PGAP6: variants seen among roughly 807,000 people sequenced by gnomAD.
PGAP6 encodes the protein post-GPI attachment to proteins factor 6.
A neutral mutation model predicts 68.4 loss-of-function variants in PGAP6; 62 were observed. The ratio of observed to expected loss-of-function variants is 0.91; its 90% confidence interval spans 0.74 to 1.12. The LOEUF (loss-of-function observed/expected upper bound fraction) is 1.12. Among genes scored for constraint, PGAP6 ranks in the 50% most tolerant of loss-of-function variants. The pLI is 0.00. For synonymous variants in PGAP6, 575 were observed against 474.0 expected, an observed-to-expected ratio of 1.21 and a Z score of -2.77; for missense variants, 1,188 against 1,068.5, an observed-to-expected ratio of 1.11 and a Z score of -1.56.
Position 377,533 on chromosome 16 carries a change from G to C in PGAP6, c.352C>G (p.Pro118Ala). 1 of 1,592,272 alleles carries C rather than the reference G, an allele frequency of 6.3e-7. No homozygotes were observed. Among genetic ancestry groups the C allele is most frequent in the Non-Finnish European group, 8.5e-7 (1 of 1,170,014 alleles). The change falls in exon 3 of 13, where the codon CCG becomes GCG. Residue 118 changes from proline (P) to alanine (A), a missense_variant. By Grantham distance (27) the Pro-to-Ala change is conservative. Transcript: ENST00000431232. Reference protein sequence around the residue: ...PVINPLGTSFPDDTAVQPSFQ... With the variant: ...PVINPLGTSFADDTAVQPSFQ... Reference sequence around the variant, plus strand: ...GAGGGCTGTACCGCGGTGTCGTCCGGGAAGCTGGTGCCCAGCGGGTTGATG... The same window carrying C: ...GAGGGCTGTACCGCGGTGTCGTCCGCGAAGCTGGTGCCCAGCGGGTTGATG...
Position 374,316 on chromosome 16 carries a change from T to C in PGAP6, c.1660A>G (p.Ser554Gly). The C allele has an allele frequency of 1.2e-6, 2 of 1,605,572 alleles. No individual in the cohort carries two copies. Among genetic ancestry groups the C allele is most frequent in the Admixed American group, 1.7e-5 (1 of 60,000 alleles). The change falls in exon 10 of 13, where the codon AGC becomes GGC. Residue 554 changes from serine to glycine, a missense_variant. Coordinates refer to ENST00000431232, the MANE Select transcript of PGAP6 (RefSeq NM_021259.3). ...ATGGGGGCCAGGAACATGAGGTTGC[T>C]GAGCGTGAGCAGCAGTGTGGCCGCC... ...QRAATLLLTL[S>G]NLMFLAPIAV...
upstream of PGAP6, among the ~76,000 whole-genome samples, chr16:384,761 C>G (rs952940066): frequency 5.3e-5 from 8 of 151,314 alleles, no homozygotes; most frequent in Non-Finnish European, 7.4e-5. Flanking sequence ...GAGGCTGAGG[C>G]AGGAGAATGG....
upstream of PGAP6, chr16:386,727 A>AAAAC (rs2054487491): frequency 1.7e-4 from 7 of 40,338 alleles, no homozygotes; most frequent in South Asian, 1.0e-3. Flanking sequence ...AAAAAAAACC[A>AAAAC]AAAAAAAAAA....
chr16:376,307 G>T lies in PGAP6; in HGVS notation c.1053C>A (p.Leu351=). 2.5e-6 allele frequency: 4 copies of T among 1,612,774 alleles called. No individual in the cohort carries two copies. The highest frequency in any genetic ancestry group is 3.4e-6 in the Non-Finnish European group (4 of 1,179,982). The change falls in exon 6 of 13, where the codon CTC becomes CTA. Residue 351 remains leucine, a synonymous_variant. Transcript: ENST00000431232. Reference sequence around the variant, plus strand: ...CCTCCCGCGTGACTGGGTAGTTTGTGAGGCAGAAGGGGCTGCGGTCCACCC... The same window carrying T: ...CCTCCCGCGTGACTGGGTAGTTTGTTAGGCAGAAGGGGCTGCGGTCCACCC... ...SGRVDRSPFC[L]TNYPVTREDM... is the part of the protein sequence containing the mutation.
rs769326067 is a variant in PGAP6 at position 374,747 on chromosome 16, G to A, written c.1576+9C>T. The stretch of plus-strand genomic sequence containing the variant: ...AGCGTCTCGGGGCGGGCGGGGCCCT[G>A]GCACTCACCTGCCTTGCAGCTGCAG... On this transcript the variant is annotated intron_variant, in intron 9 of 12. Coordinates refer to ENST00000431232, the MANE Select transcript of PGAP6 (RefSeq NM_021259.3). 1.2e-5 allele frequency: 19 copies of A among 1,612,280 alleles called. No individual in the cohort carries two copies. The highest frequency in any genetic ancestry group is 1.4e-5 in the Non-Finnish European group (17 of 1,179,848).
At chr16:375,282 C>G (rs747263007) in intron 7 of PGAP6, 26 bp from the exon 8 acceptor site, 13 of 1,612,724 alleles carry the variant, frequency 8.1e-6, no homozygotes, top group South Asian at 1.1e-5. Flanking sequence ...AGGGCCCCAT[C>G]AGAGGAGGCC....
upstream of PGAP6, chr16:382,087 C>CGCG (rs2054447309): frequency 3.5e-6 from 1 of 289,478 alleles, no homozygotes; most frequent in South Asian, 2.1e-4. Context: ...CGTGGGGCGC[C>CGCG]GGTAGGGGGG....
At chr16:372,341 G>T in intron 12 of PGAP6, 58 bp from the exon 13 acceptor site, 1 of 1,541,324 alleles carries the variant, frequency 6.5e-7, no homozygotes, top group Non-Finnish European at 8.7e-7. Flanking sequence ...GCAGCTCCCA[G>T]GGCCCAGATA....
chr16:377,078 C>A lies in PGAP6; in HGVS notation c.594G>T (p.Val198=). 1 of 1,613,458 alleles carries A rather than the reference C, an allele frequency of 6.2e-7. No homozygotes were observed. The highest frequency in any genetic ancestry group is 8.5e-7 in the Non-Finnish European group (1 of 1,179,984). Residue 198 remains valine (V), a synonymous_variant, in exon 4 of 13, where the codon GTG becomes GTT. Transcript: ENST00000431232. ...GGGAGAGGAGGGTCTGAGGAAGGGG[C>A]ACGTCCGGCTCCATGATGGAAATCT... ...VVEISIMEPD[V]PLPQTLLSHP...
At chr16:381,996 C>T, upstream of PGAP6, 6 of 942,088 alleles carry the variant, frequency 6.4e-6, no homozygotes, top group Non-Finnish European at 7.7e-6. Context: ...GCAGGCCCCG[C>T]CCCGCAGGCC....
Position 376,259 on chromosome 16 carries a change from G to A in PGAP6, c.1101C>T (p.His367=). The A allele has an allele frequency of 2.5e-6, 4 of 1,612,836 alleles. No individual in the cohort carries two copies. Among genetic ancestry groups the A allele is most frequent in the Middle Eastern group, 3.3e-4 (2 of 6,060 alleles). ...CCGAGACCCTGTCCAGGGGCTGGAA[G>A]TGCACCGACACCACGTCCATGTCCT... is the stretch of plus-strand genomic sequence containing the variant. The part of the protein sequence containing the change: ...TREDMDVVSV[H]FQPLDRVSVR... The change falls in exon 6 of 13, where the codon CAC becomes CAT. Residue 367 remains histidine, a synonymous_variant. Coordinates refer to ENST00000431232, the MANE Select transcript of PGAP6 (RefSeq NM_021259.3).
In PGAP6 at chr16:376,143, GC is replaced by G; in HGVS notation, c.1216del (p.Ala406ProfsTer12). On this transcript the variant is annotated frameshift_variant, in exon 6 of 13. Coordinates refer to ENST00000431232, the MANE Select transcript of PGAP6 (RefSeq NM_021259.3). LOFTEE classifies it high-confidence loss of function. ...SGGSLTISLR[A>X]NKTEMRNETV... ...CTTGCAGACAGCAGGTACCTTGTTG[GC>G]CCGCAGGGAGATGGTGAGGGAACCC... is the stretch of plus-strand genomic sequence containing the variant. 1 of 1,601,824 alleles carries G rather than the reference GC, an allele frequency of 6.2e-7. No individual in the cohort carries two copies.
intron 1 of PGAP6, among the ~76,000 whole-genome samples, chr16:379,146 G>A (rs2054417635): frequency 1.3e-5 from 2 of 152,182 alleles, no homozygotes; most frequent in South Asian, 4.1e-4. Flanking sequence ...GACACAGCAG[G>A]GGGCGGGACC....
At chr16:382,012 G>C (rs1244708164), upstream of PGAP6, 5 of 892,874 alleles carry the variant, frequency 5.6e-6, no homozygotes, top group African/African-American at 3.7e-5. Context: ...AGGCCGAGCC[G>C]GGAAGGCGAG....
At chr16:385,913 C>G (rs1209668904), upstream of PGAP6, among the ~76,000 whole-genome samples, 1 of 151,124 alleles carries the variant, frequency 6.6e-6, no homozygotes, top group African/African-American at 2.4e-5. Flanking sequence ...CGTGAGCCAC[C>G]GCGCCCGGCC....
Position 372,002 on chromosome 16 carries a change from C to T in PGAP6, c.2301G>A (p.Leu767=). Reference sequence around the variant, plus strand: ...CAGGCCAGTGTCACGTCACTGCGTACAGTTCCTCCCGATCGTTCTTGCAGA... The same window carrying T: ...CAGGCCAGTGTCACGTCACTGCGTATAGTTCCTCCCGATCGTTCTTGCAGA... ...YQICKNDREE[L]YAVT is the part of the protein sequence containing the mutation. Residue 767 remains leucine (L), a synonymous_variant, in exon 13 of 13, where the codon CTG becomes CTA. Transcript: ENST00000431232. The T allele has an allele frequency of 6.2e-7, 1 of 1,612,416 alleles. No homozygotes were observed.
rs751684671 is a variant in PGAP6 at position 374,821 on chromosome 16, G to A, written c.1511C>T (p.Pro504Leu). The A allele has an allele frequency of 1.9e-6, 3 of 1,613,014 alleles. No individual in the cohort carries two copies. The South Asian group carries it at 3.3e-5, about 18-fold the overall frequency. Residue 504 changes from proline to leucine, a missense_variant, in exon 9 of 13, where the codon CCC becomes CTC. Coordinates refer to ENST00000431232, the MANE Select transcript of PGAP6 (RefSeq NM_021259.3). ...GCGGAGCAGGAGGCACTGGCCATAG[G>A]GTCCACAATCGTTCAAACAGGGCAC... ...YLVPCLNDCG[P>L]YGQCLLLRRH...
At position 376,322 on chromosome 16, in the gene PGAP6, G is replaced by T; in HGVS notation, c.1038C>A (p.Arg346=). 6.2e-7 allele frequency: 1 copy of T among 1,612,724 alleles called. No individual in the cohort carries two copies. The highest frequency in any genetic ancestry group is 8.5e-7 in the Non-Finnish European group (1 of 1,179,982). The stretch of plus-strand genomic sequence containing the variant: ...GGTAGTTTGTGAGGCAGAAGGGGCT[G>T]CGGTCCACCCTGCCACTCCTGCCCA... ...QDLGRSGRVD[R]SPFCLTNYPV... is the part of the protein sequence containing the mutation. Residue 346 remains arginine (R), a synonymous_variant, in exon 6 of 13, where the codon CGC becomes CGA. Transcript: ENST00000431232.
chr16:386,726 C>CAAAAAAAAAAAAAAAAAAAAAAAAA (rs10544230), upstream of PGAP6: 5 of 312,024 alleles, frequency 1.6e-5, no homozygotes, highest in Admixed American at 4.9e-5. Context: ...AAAAAAAAAC[C>CAAAAAAAAAAAAAAAAAAAAAAAAA]AAAAAAAAAA....
Sources: gnomAD v4.1 joint callset for allele counts (sites outside exome capture counted in the v4.1 genomes callset) on GRCh38, gnomAD v4.1.1 for gene constraint, MANE v1.5 for transcripts, NCBI Gene and HGNC (gene_info 2026-07-23, HGNC 2026-07-21) for gene names.